HHIPL1: variants seen among roughly 807,000 people sequenced by gnomAD.
HHIPL1 encodes HHIP like 1, also known as HHIP-like protein 1.
Under a neutral mutation model 61.8 loss-of-function variants are expected in HHIPL1, and 43 were observed. The ratio of observed to expected loss-of-function variants is 0.70; its 90% CI spans 0.55 to 0.90. HHIPL1 has a LOEUF of 0.90. Among genes scored for constraint, HHIPL1 ranks in the 40% least tolerant of loss-of-function variants. The pLI is 0.00. For synonymous variants in HHIPL1, 482 were observed against 515.8 expected, an observed-to-expected ratio of 0.93 and a Z score of 0.89; for missense variants, 1,056 against 1,157.7, an observed-to-expected ratio of 0.91 and a Z score of 1.28.
At chr14:99,656,431 A>G (rs987880433) in intron 2 of HHIPL1, among the ~76,000 whole-genome samples, 2 of 152,138 alleles carry the variant, frequency 1.3e-5, no homozygotes, top group Non-Finnish European at 1.5e-5. Context: ...AACTTTGCTC[A>G]TTCTACCTAC....
the HHIPL1 span, among the ~76,000 whole-genome samples, chr14:99,606,129 G>C: frequency 3.7e-4 from 57 of 152,288 alleles, no homozygotes; most frequent in Non-Finnish European, 7.2e-4. Context: ...CCAGACAGAT[G>C]GTCAGGGGAG....
At chr14:99,652,097 A>C in intron 1 of HHIPL1, 127 bp from the exon 2 acceptor site, 1 of 807,080 alleles carries the variant, frequency 1.2e-6, no homozygotes. Context: ...GGTAACAGGC[A>C]GATGGCGTTG....
chr14:99,672,150 C>A (rs1053424429), intron 7 of HHIPL1, among the ~76,000 whole-genome samples, 167 bp from the exon 8 acceptor site: 1 of 152,218 alleles, frequency 6.6e-6, no homozygotes, highest in Admixed American at 6.5e-5. Flanking sequence ...TCTTAGAATC[C>A]TGGGGGCATG....
chr14:99,670,954 C>G (rs1055581848), intron 7 of HHIPL1, among the ~76,000 whole-genome samples: 1 of 152,178 alleles, frequency 6.6e-6, no homozygotes, highest in Non-Finnish European at 1.5e-5. Flanking sequence ...CCATCATCTT[C>G]GGTTTTTCCA....
At chr14:99,650,782 G>T (rs2055916545) in intron 1 of HHIPL1, among the ~76,000 whole-genome samples, 1 of 152,268 alleles carries the variant, frequency 6.6e-6, no homozygotes. Flanking sequence ...GAGCTGCTGT[G>T]ATTGGTTAGC....
intron 2 of HHIPL1, among the ~76,000 whole-genome samples, chr14:99,654,087 G>A (rs1157422258): frequency 6.6e-6 from 1 of 151,172 alleles, no homozygotes; most frequent in Admixed American, 6.6e-5. Context: ...TACCCGGGAG[G>A]CTGAGGCAGG....
Position 99,645,471 on chromosome 14 carries a change from GC to G in HHIPL1, c.255+10del. ...GGGACCTGCTGTGCCAGGTGAGCGGGCGCGCGGCCACCGGGCGGGGCGGGGC... is the reference window on the plus strand; with the variant it reads ...GGGACCTGCTGTGCCAGGTGAGCGGGGCGCGGCCACCGGGCGGGGCGGGGC... On this transcript the variant is annotated intron_variant, in intron 1 of 8. Transcript: ENST00000330710. 7.8e-7 allele frequency: 1 copy of G among 1,275,232 alleles called. No homozygotes were observed. Among genetic ancestry groups the G allele is most frequent in the Non-Finnish European group, 9.8e-7 (1 of 1,016,704 alleles). 79.0% of individuals were successfully genotyped at this position (1,275,232 alleles called of 1,614,324 possible).
At chr14:99,673,164 G>A (rs2056343848) in intron 8 of HHIPL1, among the ~76,000 whole-genome samples, 1 of 152,080 alleles carries the variant, frequency 6.6e-6, no homozygotes, top group Non-Finnish European at 1.5e-5. Flanking sequence ...GGTGTGTATG[G>A]GGGTGGGGAG....
At chr14:99,646,832 G>GA (rs2055847184) in intron 1 of HHIPL1, among the ~76,000 whole-genome samples, 2 of 115,004 alleles carry the variant, frequency 1.7e-5, no homozygotes, top group Admixed American at 9.5e-5. Context: ...GATATGATAT[G>GA]ATATAATATA....
intron 1 of HHIPL1, among the ~76,000 whole-genome samples, chr14:99,645,975 T>C (rs1477312086): frequency 6.6e-6 from 1 of 152,194 alleles, no homozygotes; most frequent in East Asian, 1.9e-4. Context: ...CACGAGCGTC[T>C]CACCCCCATC....
At chr14:99,647,581 G>A (rs963758710) in intron 1 of HHIPL1, among the ~76,000 whole-genome samples, 8 of 152,206 alleles carry the variant, frequency 5.3e-5, no homozygotes, top group Admixed American at 1.3e-4. Context: ...CAGCCCAGGC[G>A]TCTCTGAGAG....
the HHIPL1 span, among the ~76,000 whole-genome samples, chr14:99,629,669 T>C: frequency 6.6e-6 from 1 of 152,122 alleles, no homozygotes; most frequent in South Asian, 2.1e-4. Context: ...GGCTAATTTT[T>C]TTTTTTGTAT....
rs963507053 is a variant in HHIPL1, at chr14:99,668,139, G to A, written c.1649-83G>A. ...GGGGTTGGGGTCTATTTCCAAGCCT[G>A]CAGGGAGCCGGGTGGTGAGGCGGGG... On this transcript the variant is annotated intron_variant, in intron 6 of 8. Transcript: ENST00000330710. This position sits in a 1 kb window ranked among gnomAD's most constrained non-coding sequence, Gnocchi z 4.7. The A allele has an allele frequency of 3.1e-5, 26 of 838,858 alleles. No homozygotes were observed. The highest frequency in any genetic ancestry group is 2.9e-4 in the South Asian group (22 of 74,968). 52.0% of individuals were successfully genotyped at this position (838,858 alleles called of 1,614,324 possible). A position where few individuals can be genotyped will look rare whatever the true frequency, so the allele number is the denominator to read the frequency against.
chr14:99,644,540 G>T (rs2055795673), upstream of HHIPL1, among the ~76,000 whole-genome samples: 1 of 152,162 alleles, frequency 6.6e-6, no homozygotes, highest in Admixed American at 6.5e-5. Context: ...ATCCCAGGAG[G>T]TAGATTCATC....
the HHIPL1 span, among the ~76,000 whole-genome samples, chr14:99,615,930 G>GA: frequency 2.0e-5 from 3 of 152,104 alleles, no homozygotes; most frequent in African/African-American, 7.2e-5. Context: ...GAAAAGCCCA[G>GA]AAAAAACCAA....
chr14:99,662,873 C>T lies in HHIPL1; in HGVS notation c.1503-3C>T, dbSNP rs1425257257. The T allele has an allele frequency of 1.9e-6, 3 of 1,583,372 alleles. No homozygotes were observed. The highest frequency in any genetic ancestry group is 1.2e-5 in the South Asian group (1 of 85,422). The stretch of plus-strand genomic sequence containing the variant: ...TGGCCTCACAGCTCATCTTCCTTTG[C>T]AGGCGTCTGATGTCCCTCCAAGAGA... On this transcript the variant is annotated splice_region_variant and splice_polypyrimidine_tract_variant and intron_variant, in intron 5 of 8. Transcript: ENST00000330710.
At chr14:99,630,122 C>A in the HHIPL1 span, among the ~76,000 whole-genome samples, 5 of 152,206 alleles carry the variant, frequency 3.3e-5, no homozygotes, top group Non-Finnish European at 7.3e-5. Context: ...CTAGTATTGG[C>A]TGAGCCTCCA....
At chr14:99,631,096 CTTT>C in the HHIPL1 span, among the ~76,000 whole-genome samples, 1 of 147,270 alleles carries the variant, frequency 6.8e-6, no homozygotes, top group East Asian at 2.0e-4. Context: ...TTCTTTCTTT[CTTT>C]CTTTCTTTCT....
At chr14:99,674,167 A>C (rs2056359429) in intron 8 of HHIPL1, among the ~76,000 whole-genome samples, 1 of 151,908 alleles carries the variant, frequency 6.6e-6, no homozygotes, top group African/African-American at 2.4e-5. Flanking sequence ...GACTGGCTGA[A>C]GTGGGGCGGG....
Sources: gnomAD v4.1 joint callset for allele counts (sites outside exome capture counted in the v4.1 genomes callset) on GRCh38, gnomAD v4.1.1 for gene constraint, Gnocchi (gnomAD v3.1) non-coding constraint, MANE v1.5 for transcripts, NCBI Gene and HGNC (gene_info 2026-07-23, HGNC 2026-07-21) for gene names.